LGSN: variants seen among roughly 807,000 people sequenced by gnomAD.
LGSN encodes lengsin, lens protein with glutamine synthetase domain.
In LGSN, 21 loss-of-function variants were observed where a neutral mutation model predicts 19.5. That is an observed-to-expected ratio of 1.07 (90% CI 0.76 to 1.55). LGSN has a LOEUF of 1.55. LGSN is among the 40% of genes most tolerant of loss of function. The probability of loss-of-function intolerance (pLI) is 0.00; values close to 1 mark genes in which losing one functional copy is unlikely to be tolerated. For missense variants in LGSN, 673 were observed against 608.5 expected (o/e 1.11, Z -1.12); for synonymous variants, 257 against 215.6 (o/e 1.19, Z -1.68).
chr6:63,427,107 G>A, the LGSN span, among the ~76,000 whole-genome samples: 20 of 146,388 alleles, frequency 1.4e-4, no homozygotes, highest in African/African-American at 5.1e-4. Context: ...GTACAATGGC[G>A]CAATCTCGGC....
the LGSN span, among the ~76,000 whole-genome samples, chr6:63,458,042 A>G: frequency 2.5e-4 from 36 of 142,022 alleles, no homozygotes; most frequent in African/African-American, 8.1e-4. Flanking sequence ...CAGTGATTAT[A>G]ATTTCATTTA....
At chr6:63,412,978 G>A in the LGSN span, among the ~76,000 whole-genome samples, 1 of 151,822 alleles carries the variant, frequency 6.6e-6, no homozygotes, top group African/African-American at 2.4e-5. Context: ...AAGAAATGAG[G>A]GCAAGTTAGA....
chr6:63,478,239 G>A, the LGSN span, among the ~76,000 whole-genome samples: 1 of 152,048 alleles, frequency 6.6e-6, no homozygotes, highest in South Asian at 2.1e-4. Flanking sequence ...GAGCAAAGAG[G>A]GAGGATTTTA....
the LGSN span, among the ~76,000 whole-genome samples, chr6:63,476,861 A>C: frequency 6.6e-6 from 1 of 152,168 alleles, no homozygotes; most frequent in Non-Finnish European, 1.5e-5. Flanking sequence ...AGTCTTATAA[A>C]ATTTGCCATT....
the LGSN span, among the ~76,000 whole-genome samples, chr6:63,463,023 T>C: frequency 6.6e-6 from 1 of 152,216 alleles, no homozygotes; most frequent in African/African-American, 2.4e-5. Context: ...ACTGTAATGA[T>C]TTCTTTCTCT....
the LGSN span, among the ~76,000 whole-genome samples, chr6:63,366,767 GC>G: frequency 6.6e-6 from 1 of 152,100 alleles, no homozygotes; most frequent in Non-Finnish European, 1.5e-5. Flanking sequence ...ACAGAATAGA[GC>G]CCTTGGAAAT....
the LGSN span, among the ~76,000 whole-genome samples, chr6:63,568,616 T>C: frequency 6.6e-6 from 1 of 151,816 alleles, no homozygotes; most frequent in Admixed American, 6.6e-5. Flanking sequence ...ATGGCTCTGA[T>C]AGACTTGCTC....
chr6:63,502,865 A>G, the LGSN span, among the ~76,000 whole-genome samples: 1 of 152,218 alleles, frequency 6.6e-6, no homozygotes, highest in African/African-American at 2.4e-5. Flanking sequence ...GTGAGATCTG[A>G]ATAATAAGGA....
the LGSN span, among the ~76,000 whole-genome samples, chr6:63,381,410 A>T: frequency 6.6e-6 from 1 of 152,228 alleles, no homozygotes; most frequent in Non-Finnish European, 1.5e-5. Flanking sequence ...TTTCATCATG[A>T]AATGCTTGAC....
At chr6:63,324,879 G>A (rs541028958), upstream of LGSN, among the ~76,000 whole-genome samples, 17 of 151,338 alleles carry the variant, frequency 1.1e-4, no homozygotes, top group South Asian at 1.7e-3. Flanking sequence ...AGGCCGAGGC[G>A]GTCACATCAC....
At chr6:63,561,394 G>T in the LGSN span, among the ~76,000 whole-genome samples, 1 of 152,116 alleles carries the variant, frequency 6.6e-6, no homozygotes, top group Non-Finnish European at 1.5e-5. Flanking sequence ...CTATAATAAG[G>T]TATATTTCTA....
chr6:63,500,977 G>T, the LGSN span, among the ~76,000 whole-genome samples: 1 of 151,264 alleles, frequency 6.6e-6, no homozygotes, highest in East Asian at 2.0e-4. Context: ...ATCTGGCCCG[G>T]CTCAGCCTCC....
the LGSN span, among the ~76,000 whole-genome samples, chr6:63,325,606 G>A: frequency 6.6e-6 from 1 of 152,194 alleles, no homozygotes; most frequent in Non-Finnish European, 1.5e-5. Context: ...AATGTGTCCG[G>A]AATTGGTGGG....
chr6:63,553,512 G>T, the LGSN span, among the ~76,000 whole-genome samples: 1 of 152,138 alleles, frequency 6.6e-6, no homozygotes, highest in East Asian at 1.9e-4. Context: ...AAGCCAGTTT[G>T]GTATCCTGTC....
the LGSN span, among the ~76,000 whole-genome samples, chr6:63,458,597 G>A: frequency 6.6e-6 from 1 of 152,120 alleles, no homozygotes; most frequent in African/African-American, 2.4e-5. Flanking sequence ...AAGGTTGGAG[G>A]ACTGTGTGAA....
At chr6:63,472,810 AGACACCT>A in the LGSN span, among the ~76,000 whole-genome samples, 4 of 151,938 alleles carry the variant, frequency 2.6e-5, no homozygotes, top group Non-Finnish European at 5.9e-5. Flanking sequence ...GCGTGGTGGC[AGACACCT>A]GTAGTCCCAG....
the LGSN span, among the ~76,000 whole-genome samples, chr6:63,475,314 C>CA: frequency 0.49 from 48,929 of 99,076 alleles, 11,851 homozygotes; most frequent in Non-Finnish European, 0.58. Context: ...ATAGATCTGC[C>CA]AAAAAAAAAA....
the LGSN span, among the ~76,000 whole-genome samples, chr6:63,552,872 C>A: frequency 6.6e-6 from 1 of 152,096 alleles, no homozygotes; most frequent in Non-Finnish European, 1.5e-5. Context: ...TCTGAGGGCT[C>A]TGTTCTGTAT....
chr6:63,389,313 C>A, the LGSN span, among the ~76,000 whole-genome samples: 1 of 152,198 alleles, frequency 6.6e-6, no homozygotes, highest in Non-Finnish European at 1.5e-5. Flanking sequence ...GCTTACCTTA[C>A]ATTTTCAGAT....
Sources: gnomAD v4.1 joint callset for allele counts (sites outside exome capture counted in the v4.1 genomes callset) on GRCh38, gnomAD v4.1.1 for gene constraint, MANE v1.5 for transcripts, NCBI Gene and HGNC (gene_info 2026-07-23, HGNC 2026-07-21) for gene names.